NAF1: variants seen among roughly 807,000 people sequenced by gnomAD.
NAF1 encodes the protein H/ACA ribonucleoprotein complex non-core subunit NAF1.
NAF1 carries 11 observed loss-of-function variants against 40.6 expected under a neutral mutation model. The observed-to-expected ratio is 0.27, with a 90% CI of 0.17 to 0.45. The LOEUF (loss-of-function observed/expected upper bound fraction) is 0.45. Ranked by LOEUF, NAF1 falls within the 20% of genes least tolerant of loss-of-function variation. The pLI, the probability that NAF1 is intolerant of heterozygous loss-of-function variation, is 1.00. For synonymous variants in NAF1, 260 were observed against 228.5 expected (o/e 1.14, Z -1.24); for missense variants, 607 against 611.1 (o/e 0.99, Z 0.07).
rs746104270 is a variant in NAF1 at position 163,166,520 on chromosome 4, C to T, written c.208G>A (p.Val70Ile). 2.4e-5 allele frequency: 38 copies of T among 1,597,734 alleles called. No individual in the cohort carries two copies. The highest frequency in any genetic ancestry group is 3.1e-5 in the Non-Finnish European group (36 of 1,171,990). ...KPAGEQPLQPVLNAVAAGTPA... is the reference protein window; with the variant it reads ...KPAGEQPLQPILNAVAAGTPA... ...GTCCCGGCCGCGACGGCGTTCAGAA[C>T]GGGCTGCAGAGGCTGCTCCCCGGCA... is the stretch of plus-strand genomic sequence containing the variant. The change falls in exon 1 of 8, where the codon GTT becomes ATT. Residue 70 changes from valine to isoleucine, a missense_variant. Val to Ile is a conservative substitution (Grantham distance 29, BLOSUM62 3). Coordinates refer to ENST00000274054, the MANE Select transcript of NAF1 (RefSeq NM_138386.3).
At chr4:163,132,602 G>C (rs1246691932) in intron 7 of NAF1, among the ~76,000 whole-genome samples, 1 of 152,196 alleles carries the variant, frequency 6.6e-6, no homozygotes. Flanking sequence ...TGACTATAAA[G>C]AGGCAACTGG....
At chr4:163,142,060 G>T in intron 4 of NAF1, 1 of 376,184 alleles carries the variant, frequency 2.7e-6, no homozygotes, top group Non-Finnish European at 3.7e-6. Flanking sequence ...TTAAAAAAGT[G>T]TAAAAGCAAA....
intron 2 of NAF1, among the ~76,000 whole-genome samples, chr4:163,116,247 G>C (rs1173429185): frequency 1.3e-5 from 2 of 152,160 alleles, no homozygotes; most frequent in African/African-American, 2.4e-5. Context: ...GTATACATAA[G>C]TGAAACCCTT....
chr4:163,108,163 T>C (rs1050295150), downstream of NAF1, among the ~76,000 whole-genome samples: 3 of 152,182 alleles, frequency 2.0e-5, no homozygotes, highest in African/African-American at 7.2e-5. Flanking sequence ...TGAAAAGTCA[T>C]AGTATCTGAA....
At chr4:163,151,452 C>T (rs113391043) in intron 2 of NAF1, among the ~76,000 whole-genome samples, 1 of 151,710 alleles carries the variant, frequency 6.6e-6, no homozygotes, top group African/African-American at 2.4e-5. Context: ...TTATCTTTAT[C>T]CAAACTACTA....
At chr4:163,131,897 T>A (rs1730889131) in intron 7 of NAF1, among the ~76,000 whole-genome samples, 1 of 152,188 alleles carries the variant, frequency 6.6e-6, no homozygotes, top group African/African-American at 2.4e-5. Context: ...AATTTAAAAG[T>A]TGGCAAAAGA....
chr4:163,158,129 G>A (rs1159209267), intron 2 of NAF1: 1 of 152,046 alleles, frequency 6.6e-6, no homozygotes, highest in Non-Finnish European at 1.5e-5. Flanking sequence ...GTGTCAGTTT[G>A]GGGAGAATTG....
At chr4:163,125,542 A>C (rs1436006606), downstream of NAF1, among the ~76,000 whole-genome samples, 2 of 152,216 alleles carry the variant, frequency 1.3e-5, no homozygotes, top group African/African-American at 2.4e-5. Flanking sequence ...GATTCTACGA[A>C]GGCTGAGAGA....
At chr4:163,145,909 T>C (rs1228470795) in intron 3 of NAF1, 45 bp from the exon 4 acceptor site, 6 of 976,894 alleles carry the variant, frequency 6.1e-6, no homozygotes, top group Non-Finnish European at 9.1e-6. Context: ...TATAAGAGAA[T>C]GTAGAATTTT....
chr4:163,151,751 A>C (rs1338537614), intron 2 of NAF1, among the ~76,000 whole-genome samples: 1 of 152,220 alleles, frequency 6.6e-6, no homozygotes, highest in East Asian at 1.9e-4. Flanking sequence ...ACTACACTTC[A>C]GAACTATTTT....
At chr4:163,127,846 T>C (rs972340992), downstream of NAF1, among the ~76,000 whole-genome samples, 5 of 152,192 alleles carry the variant, frequency 3.3e-5, no homozygotes, top group Admixed American at 6.5e-5. Context: ...TACTGTTTCC[T>C]AAGTGTGTAA....
chr4:163,105,905 T>C (rs1477351178), downstream of NAF1, among the ~76,000 whole-genome samples: 2 of 152,238 alleles, frequency 1.3e-5, no homozygotes, highest in Non-Finnish European at 1.5e-5. Context: ...GCTTAAGTTA[T>C]GATTGAGAAT....
downstream of NAF1, among the ~76,000 whole-genome samples, chr4:163,125,999 T>A (rs996203532): frequency 4.6e-5 from 7 of 152,336 alleles, no homozygotes; most frequent in Middle Eastern, 3.4e-3. Context: ...TTTAAAATCA[T>A]GGTTTACTGA....
intron 2 of NAF1, among the ~76,000 whole-genome samples, chr4:163,116,179 A>C (rs1560776495): frequency 1.3e-5 from 2 of 152,284 alleles, no homozygotes; most frequent in South Asian, 4.1e-4. Context: ...ATAAACAACA[A>C]TCCAGTTTCC....
chr4:163,117,718 C>CACAT (rs1553957218), intron 2 of NAF1, among the ~76,000 whole-genome samples: 1 of 141,174 alleles, frequency 7.1e-6, no homozygotes, highest in Non-Finnish European at 1.6e-5. Flanking sequence ...CACACACACA[C>CACAT]GCATGAATAC....
chr4:163,105,522 C>A (rs1168521911), downstream of NAF1, among the ~76,000 whole-genome samples: 1 of 152,080 alleles, frequency 6.6e-6, no homozygotes, highest in African/African-American at 2.4e-5. Context: ...AATATTAAAC[C>A]AATTAATATG....
intron 5 of NAF1, among the ~76,000 whole-genome samples, chr4:163,139,332 G>A (rs1731168859): frequency 6.6e-6 from 1 of 152,072 alleles, no homozygotes; most frequent in African/African-American, 2.4e-5. Flanking sequence ...CAAACTGAGT[G>A]CAAAGTCTTT....
rs80323546 is a variant in NAF1, at chr4:163,115,115, C to A, written c.115-4825G>T. Among the ~76,000 whole-genome samples the A allele has an allele frequency of 8.3e-4, 125 of 151,256 alleles. 3 individuals are homozygous for A. The South Asian group carries it at 0.017, about 21-fold the overall frequency. ...ATAAATAAATTTCAAAACGTAGGAT[C>A]ATTAGGACCACAGGCATGAAAGACT... On this transcript the variant is annotated intron_variant, in intron 2 of 2. Transcript: ENST00000509434.
chr4:163,140,504 G>T, intron 4 of NAF1, 121 bp from the exon 5 acceptor site: 1 of 771,826 alleles, frequency 1.3e-6, no homozygotes, highest in South Asian at 1.8e-5. Context: ...GTCAGTGTTA[G>T]GGCAATAAAA....
Sources: allele counts gnomAD v4.1 joint callset (sites outside exome capture counted in the v4.1 genomes callset), GRCh38; gene constraint gnomAD v4.1.1; transcripts MANE v1.5; gene names NCBI Gene and HGNC (gene_info 2026-07-23, HGNC 2026-07-21).